The following THSD4 variants were observed in gnomAD, a reference collection of about 807,000 sequenced individuals.
THSD4 encodes the protein thrombospondin type 1 domain containing 4.
THSD4 carries 69 observed loss-of-function variants against 119.0 expected under a neutral mutation model. That is an observed-to-expected ratio of 0.58 (90% CI 0.48 to 0.71). The LOEUF (loss-of-function observed/expected upper bound fraction) is 0.71, where lower values mean the gene tolerates loss of function less well. Among genes scored for constraint, THSD4 ranks in the 30% least tolerant of loss-of-function variants. The pLI, the probability that THSD4 is intolerant of heterozygous loss-of-function variation, is 0.00. For missense variants in THSD4, 1,393 were observed against 1,391.1 expected (o/e 1.00, Z -0.02); for synonymous variants, 524 against 540.4 (o/e 0.97, Z 0.42).
At chr15:71,263,363 C>G (rs1452485400) in intron 6 of THSD4, among the ~76,000 whole-genome samples, 1 of 116,094 alleles carries the variant, frequency 8.6e-6, no homozygotes, top group African/African-American at 3.3e-5. Flanking sequence ...TTTTCTTTAT[C>G]AAGTTTATCA....
intron 7 of THSD4, among the ~76,000 whole-genome samples, chr15:71,581,594 T>C (rs2049560289): frequency 6.6e-6 from 1 of 151,810 alleles, no homozygotes; most frequent in Non-Finnish European, 1.5e-5. Context: ...AAAATATTAT[T>C]GCCTGGACCA....
chr15:71,624,324 G>A lies in THSD4; in HGVS notation c.1153-36206G>A, dbSNP rs145479575. 5.5e-3 allele frequency among the ~76,000 whole-genome samples: 834 copies of A among 152,268 alleles called. 7 individuals carry two copies. The highest frequency in any genetic ancestry group is 9.3e-3 in the Non-Finnish European group (632 of 68,032). ...CCAGCCTCAGTCCTGAAAGGAATCCGGACTGCATACCACAGCATCCACAAC... is the reference window on the plus strand; with the variant it reads ...CCAGCCTCAGTCCTGAAAGGAATCCAGACTGCATACCACAGCATCCACAAC... On this transcript the variant is annotated intron_variant, in intron 7 of 17. Transcript: ENST00000261862.
In THSD4 at chr15:71,242,699, C is replaced by T. The variant is rs754896136; in HGVS notation, c.515C>T (p.Ala172Val). The T allele has an allele frequency of 5.6e-6, 9 of 1,614,180 alleles. No homozygotes were observed. The highest frequency in any genetic ancestry group is 7.6e-6 in the Non-Finnish European group (9 of 1,180,034). Residue 172 changes from alanine to valine, a missense_variant, in exon 5 of 18, where the codon GCC (alanine) becomes GTC (valine). Ala to Val is a moderately conservative substitution (Grantham distance 64). Transcript: ENST00000261862. ...IGPGKYGYGKAPYILPLQTDT... is the reference protein window; with the variant it reads ...IGPGKYGYGKVPYILPLQTDT... ...CCTGGCAAGTATGGCTATGGTAAGGCCCCATATATCTTACCACTGCAGACA... is the reference window on the plus strand; with the variant it reads ...CCTGGCAAGTATGGCTATGGTAAGGTCCCATATATCTTACCACTGCAGACA...
At chr15:71,150,389 G>A (rs2040709157) in intron 2 of THSD4, among the ~76,000 whole-genome samples, 1 of 152,220 alleles carries the variant, frequency 6.6e-6, no homozygotes, top group African/African-American at 2.4e-5. Context: ...TGCTGAGCAG[G>A]GGTGGGAAAC....
chr15:71,465,456 A>G (rs1416443488), intron 7 of THSD4, among the ~76,000 whole-genome samples: 1 of 151,798 alleles, frequency 6.6e-6, no homozygotes, highest in African/African-American at 2.4e-5. Context: ...GGGGGTTTCA[A>G]CTCCTTTCTA....
intron 7 of THSD4, among the ~76,000 whole-genome samples, chr15:71,597,598 T>C (rs2049928271): frequency 6.6e-6 from 1 of 152,228 alleles, no homozygotes; most frequent in Admixed American, 6.5e-5. Context: ...GAAAGCACTT[T>C]TAATACTTTG....
chr15:71,256,768 T>C, intron 6 of THSD4, 53 bp downstream of exon 6: 1 of 1,516,778 alleles, frequency 6.6e-7, no homozygotes, highest in Non-Finnish European at 9.1e-7. Context: ...TGTTTTCCAT[T>C]CTTGTTGACT....
rs117321216 is a variant in THSD4, at chr15:71,236,066, G to C, written c.465-6583G>C. Among the ~76,000 whole-genome samples, 1,487 of 152,244 alleles carry C rather than the reference G, an allele frequency of 9.8e-3. 9 individuals carry two copies. Among genetic ancestry groups the C allele is most frequent in the Non-Finnish European group, 0.015 (1,003 of 68,016 alleles). ...TCTGGTTCCTCGAGGGCAGTCCCCGGGGCTGCTGCTCTGTGGGATGCTGTG... is the reference window on the plus strand; with the variant it reads ...TCTGGTTCCTCGAGGGCAGTCCCCGCGGCTGCTGCTCTGTGGGATGCTGTG... On this transcript the variant is annotated intron_variant, in intron 4 of 17. Transcript: ENST00000261862.
intron 6 of THSD4, among the ~76,000 whole-genome samples, chr15:71,395,914 G>GAGACACACACACACACACACACACACAC (rs535919434): frequency 7.5e-6 from 1 of 133,296 alleles, no homozygotes; most frequent in African/African-American, 2.9e-5. Context: ...TTTGAAGAGA[G>GAGACACACACACACACACACACACACAC]ACACACACAC....
chr15:71,758,554 A>T (rs2053582353), intron 15 of THSD4, among the ~76,000 whole-genome samples: 1 of 152,250 alleles, frequency 6.6e-6, no homozygotes, highest in Admixed American at 6.5e-5. Context: ...ATTGTTCATT[A>T]TGAAGAATAA....
chr15:71,116,430 T>A (rs1803742374), intron 1 of THSD4, among the ~76,000 whole-genome samples: 1 of 152,204 alleles, frequency 6.6e-6, no homozygotes, highest in Admixed American at 6.5e-5. Context: ...GGAAGGGGAT[T>A]TTAGGGCGTT....
At chr15:71,100,704 G>A (rs979077100) in intron 1 of THSD4, among the ~76,000 whole-genome samples, 2 of 152,148 alleles carry the variant, frequency 1.3e-5, no homozygotes, top group African/African-American at 4.8e-5. Flanking sequence ...TGAGGGCTGG[G>A]TGCAGTGGCT....
chr15:71,389,810 G>GGTTTTTTTTT (rs1555408976), intron 6 of THSD4, among the ~76,000 whole-genome samples: 3 of 87,998 alleles, frequency 3.4e-5, no homozygotes, highest in African/African-American at 1.3e-4. Context: ...TTTCTGGGTT[G>GGTTTTTTTTT]TTTTTTTTTT....
rs895861053 is a variant in THSD4 at position 71,500,326 on chromosome 15, TTTG to T, written c.1152+88516_1152+88518del. ...GTCCTGTGCCCATTTTTAAATTAGA[TTTG>T]TTGTTGTTGTTGAGTTGTAAGAGTG... On this transcript the variant is annotated intron_variant, in intron 7 of 17. Coordinates refer to ENST00000261862, the MANE Select transcript of THSD4 (RefSeq NM_024817.3). 6.0e-4 allele frequency among the ~76,000 whole-genome samples: 91 copies of T among 152,248 alleles called. 2 individuals are homozygous for T. The highest frequency in any genetic ancestry group is 1.9e-3 in the African/African-American group (79 of 41,564).
In THSD4 at chr15:71,215,407, C is replaced by T; in HGVS notation, c.464+8C>T. 6.6e-7 allele frequency: 1 copy of T among 1,519,728 alleles called. No homozygotes were observed. Among genetic ancestry groups the T allele is most frequent in the South Asian group, 1.2e-5 (1 of 82,998 alleles). The allele number at this position is 1,519,728 out of a possible 1,614,324, so 94.1% of individuals were successfully genotyped here. On this transcript the variant is annotated splice_region_variant and intron_variant, in intron 4 of 17. Coordinates refer to ENST00000261862, the MANE Select transcript of THSD4 (RefSeq NM_024817.3). Reference sequence around the variant, plus strand: ...AGTCACTGGGGACAGAAGGTACACGCCCGCCCTTGTCTGTGCCGCTCCCCG... The same window carrying T: ...AGTCACTGGGGACAGAAGGTACACGTCCGCCCTTGTCTGTGCCGCTCCCCG...
At chr15:71,244,910 G>A (rs1462042118) in intron 5 of THSD4, among the ~76,000 whole-genome samples, 4 of 152,156 alleles carry the variant, frequency 2.6e-5, no homozygotes, top group African/African-American at 7.2e-5. Flanking sequence ...AAAAGAGAGG[G>A]CATTTGGCAT....
chr15:71,174,368 G>A (rs2043420248), intron 3 of THSD4, among the ~76,000 whole-genome samples: 1 of 151,388 alleles, frequency 6.6e-6, no homozygotes, highest in Admixed American at 6.6e-5. Context: ...GTCAAAGAAA[G>A]GGGTGATGGA....
intron 4 of THSD4, among the ~76,000 whole-genome samples, chr15:71,234,015 A>G (rs1217899282): frequency 6.6e-6 from 1 of 151,944 alleles, no homozygotes; most frequent in Non-Finnish European, 1.5e-5. Context: ...GCCACCTTCC[A>G]CCCTTGCTGT....
At chr15:71,391,185 C>T (rs1457916055) in intron 6 of THSD4, among the ~76,000 whole-genome samples, 2 of 152,066 alleles carry the variant, frequency 1.3e-5, no homozygotes, top group South Asian at 4.2e-4. Flanking sequence ...CCCGCCACCA[C>T]GCCCAGCTAA....
Sources: gnomAD v4.1 joint callset for allele counts (sites outside exome capture counted in the v4.1 genomes callset) on GRCh38, gnomAD v4.1.1 for gene constraint, MANE v1.5 for transcripts, NCBI Gene and HGNC (gene_info 2026-07-23, HGNC 2026-07-21) for gene names.